Variants in DSCAM observed in about 807,000 individuals in gnomAD.
DSCAM encodes cell adhesion molecule DSCAM.
A neutral mutation model predicts 217.7 loss-of-function variants in DSCAM; 47 were observed. That is an observed-to-expected ratio of 0.22 (90% CI 0.17 to 0.28). The LOEUF (loss-of-function observed/expected upper bound fraction) is 0.28. Ranked by LOEUF, DSCAM falls within the 10% of genes least tolerant of loss-of-function variation. DSCAM has a pLI of 1.00. For synonymous variants in DSCAM, 1,056 were observed against 1,015.3 expected, an observed-to-expected ratio of 1.04 and a Z score of -0.76; for missense variants, 2,080 against 2,618.3, an observed-to-expected ratio of 0.79 and a Z score of 4.49.
chr21:40,160,713 A>C (rs1000782906), intron 16 of DSCAM, among the ~76,000 whole-genome samples: 3 of 152,220 alleles, frequency 2.0e-5, no homozygotes, highest in African/African-American at 4.8e-5. Flanking sequence ...CATTTCTGAT[A>C]ATATGCTCTT....
At chr21:40,258,716 T>C (rs1424744822) in intron 11 of DSCAM, among the ~76,000 whole-genome samples, 11 of 152,258 alleles carry the variant, frequency 7.2e-5, no homozygotes, top group African/African-American at 2.4e-4. Context: ...AGCCTGTTCC[T>C]CTTCCTTATT....
chr21:40,409,749 T>C (rs2075307193), intron 3 of DSCAM, among the ~76,000 whole-genome samples: 2 of 152,174 alleles, frequency 1.3e-5, no homozygotes, highest in Non-Finnish European at 2.9e-5. Context: ...ATTACCTTAG[T>C]AAGGGAGCCA....
intron 3 of DSCAM, among the ~76,000 whole-genome samples, chr21:40,452,231 C>T (rs1045267509): frequency 7.7e-6 from 1 of 130,486 alleles, no homozygotes; most frequent in African/African-American, 3.0e-5. Flanking sequence ...TATGTATACA[C>T]TATATTACAC....
intron 16 of DSCAM, among the ~76,000 whole-genome samples, chr21:40,164,897 T>C (rs1228350498): frequency 1.3e-5 from 2 of 152,210 alleles, no homozygotes; most frequent in Non-Finnish European, 2.9e-5. Context: ...TATTCAATGA[T>C]AATTAAATAA....
intron 10 of DSCAM, among the ~76,000 whole-genome samples, chr21:40,294,303 A>C (rs1282188676): frequency 6.6e-6 from 1 of 152,238 alleles, no homozygotes; most frequent in Non-Finnish European, 1.5e-5. Flanking sequence ...CCAAAGGAGA[A>C]GTAGAAGTGG....
intron 8 of DSCAM, among the ~76,000 whole-genome samples, chr21:40,323,457 C>A (rs537191860): frequency 2.0e-5 from 3 of 152,246 alleles, no homozygotes; most frequent in African/African-American, 4.8e-5. Context: ...TTCAAATATA[C>A]CCCTCTATAC....
At chr21:40,142,504 T>C in intron 18 of DSCAM, 54 bp downstream of exon 18, 1 of 1,601,848 alleles carries the variant, frequency 6.2e-7, no homozygotes, top group Non-Finnish European at 8.5e-7. Flanking sequence ...GGTCTGCAAA[T>C]TCCATCATGC....
At chr21:40,026,952 A>G (rs2088400551) in intron 32 of DSCAM, among the ~76,000 whole-genome samples, 2 of 152,426 alleles carry the variant, frequency 1.3e-5, no homozygotes, top group South Asian at 4.1e-4. Context: ...TCGTTAGTTG[A>G]TGCAGTTTCT....
chr21:40,702,981 T>A (rs2090673787), intron 2 of DSCAM, among the ~76,000 whole-genome samples: 1 of 152,232 alleles, frequency 6.6e-6, no homozygotes, highest in South Asian at 2.1e-4. Flanking sequence ...CCTAAGACAT[T>A]GTTACTATTT....
intron 14 of DSCAM, among the ~76,000 whole-genome samples, chr21:40,183,389 C>T (rs1020284333): frequency 2.6e-5 from 4 of 152,154 alleles, no homozygotes; most frequent in African/African-American, 4.8e-5. Context: ...GAAGAATGTT[C>T]CAGATAAGGA....
intron 4 of DSCAM, among the ~76,000 whole-genome samples, chr21:40,364,304 T>C (rs1028568460): frequency 1.3e-5 from 2 of 152,026 alleles, no homozygotes. Context: ...ATAGACTGGA[T>C]TAAGAAAAAG....
At chr21:40,089,492 G>C (rs898495414) in intron 21 of DSCAM, among the ~76,000 whole-genome samples, 2 of 152,292 alleles carry the variant, frequency 1.3e-5, no homozygotes, top group Middle Eastern at 3.4e-3. Flanking sequence ...CCCTTCCTAG[G>C]AGGGGCTTCC....
chr21:40,793,592 A>G (rs1009757562), intron 1 of DSCAM, among the ~76,000 whole-genome samples: 12 of 151,918 alleles, frequency 7.9e-5, no homozygotes, highest in African/African-American at 2.7e-4. Flanking sequence ...TTGGGTTCCA[A>G]TGATTCTTCT....
At chr21:40,587,596 C>T (rs757809542) in intron 3 of DSCAM, among the ~76,000 whole-genome samples, 1 of 152,178 alleles carries the variant, frequency 6.6e-6, no homozygotes, top group Non-Finnish European at 1.5e-5. Context: ...TACTTAGCAT[C>T]TCTGTCATTG....
In DSCAM at chr21:40,124,236, T is replaced by C; in HGVS notation, c.3655A>G (p.Ile1219Val). The change falls in exon 20 of 33, where the codon ATC becomes GTC. Residue 1219 changes from isoleucine (I) to valine (V), a missense_variant. This residue lies in a region of DSCAM where 1,144 missense variants were observed against 1,421.1 expected (regional missense o/e 0.81). Coordinates refer to ENST00000400454, the MANE Select transcript of DSCAM (RefSeq NM_001389.5). ...GAGCAGAATACAGTGTACTTTCGGA[T>C]GATGCCGTTCAGCTTGAGAGGGGGA... ...WLPPLKLNGI[I>V]RKYTVFCSHP... The C allele has an allele frequency of 6.2e-7, 1 of 1,613,940 alleles. No homozygotes were observed. Among genetic ancestry groups the C allele is most frequent in the Non-Finnish European group, 8.5e-7 (1 of 1,180,012 alleles).
At chr21:40,471,582 T>C (rs1173969515) in intron 3 of DSCAM, among the ~76,000 whole-genome samples, 1 of 152,148 alleles carries the variant, frequency 6.6e-6, no homozygotes, top group Non-Finnish European at 1.5e-5. Flanking sequence ...TCTTATTTTA[T>C]TGCTGGAGAA....
chr21:40,030,013 C>T (rs898674699), intron 32 of DSCAM, among the ~76,000 whole-genome samples: 10 of 151,756 alleles, frequency 6.6e-5, no homozygotes, highest in East Asian at 3.9e-4. Context: ...CACACACATG[C>T]GTGCACACAT....
chr21:40,092,498 C>G (rs1459142304), intron 21 of DSCAM, among the ~76,000 whole-genome samples: 2 of 152,186 alleles, frequency 1.3e-5, no homozygotes, highest in Non-Finnish European at 2.9e-5. Flanking sequence ...CCAGGCAAGA[C>G]CTGCTTCTGT....
At chr21:40,680,561 C>A (rs78475780) in intron 3 of DSCAM, among the ~76,000 whole-genome samples, 2 of 44,852 alleles carry the variant, frequency 4.5e-5, no homozygotes, top group South Asian at 1.1e-3. Context: ...TGTATTTTTG[C>A]TTATTTACTG....
Sources: allele counts gnomAD v4.1 joint callset (sites outside exome capture counted in the v4.1 genomes callset), GRCh38; gene constraint gnomAD v4.1.1; regional missense constraint gnomAD v4.1.1; transcripts MANE v1.5; gene names NCBI Gene and HGNC (gene_info 2026-07-23, HGNC 2026-07-21).